Variants in EXOC6B observed in about 807,000 individuals in gnomAD.
EXOC6B encodes the protein exocyst complex component 6B.
In EXOC6B, 54 loss-of-function variants were observed where a neutral mutation model predicts 113.5. The ratio of observed to expected loss-of-function variants is 0.48; its 90% CI spans 0.38 to 0.60. The LOEUF is 0.60. EXOC6B is among the 20% of genes least tolerant of loss of function. The probability of loss-of-function intolerance (pLI) is 0.00; values close to 1 mark genes in which losing one functional copy is unlikely to be tolerated. For missense variants in EXOC6B, 797 were observed against 977.5 expected, an observed-to-expected ratio of 0.82 and a Z score of 2.46; for synonymous variants, 357 against 339.0, an observed-to-expected ratio of 1.05 and a Z score of -0.58.
chr2:72,365,843 C>T (rs1003977443), intron 19 of EXOC6B, among the ~76,000 whole-genome samples: 26 of 152,210 alleles, frequency 1.7e-4, no homozygotes, highest in South Asian at 1.2e-3. Context: ...CTATCCAAAG[C>T]ATCATGCAGA....
chr2:72,222,608 T>G (rs1364284607), intron 20 of EXOC6B, among the ~76,000 whole-genome samples: 1 of 152,154 alleles, frequency 6.6e-6, no homozygotes, highest in Non-Finnish European at 1.5e-5. Flanking sequence ...ATACATACAG[T>G]GTCTCATAAT....
intron 20 of EXOC6B, among the ~76,000 whole-genome samples, chr2:72,286,102 A>G (rs2109962): frequency 1.1e-4 from 17 of 152,328 alleles, no homozygotes; most frequent in African/African-American, 4.1e-4. Context: ...TTACAAAACT[A>G]AACATACTCT....
intron 7 of EXOC6B, among the ~76,000 whole-genome samples, chr2:72,568,526 AACATAC>A (rs1232063213): frequency 3.3e-5 from 5 of 151,926 alleles, no homozygotes; most frequent in Non-Finnish European, 1.5e-5. Context: ...AGAGAAAAGA[AACATAC>A]ACATACACAC....
chr2:72,507,208 T>C (rs1214231970), intron 11 of EXOC6B, among the ~76,000 whole-genome samples: 3 of 152,102 alleles, frequency 2.0e-5, no homozygotes, highest in Non-Finnish European at 4.4e-5. Flanking sequence ...CAGAGTGTTT[T>C]TGAGATTTGA....
At chr2:72,406,120 T>C (rs566639693) in intron 18 of EXOC6B, among the ~76,000 whole-genome samples, 142 of 152,218 alleles carry the variant, frequency 9.3e-4, no homozygotes, top group African/African-American at 3.3e-3. Context: ...CATTACAGAA[T>C]GGTAAAGGGA....
intron 6 of EXOC6B, among the ~76,000 whole-genome samples, chr2:72,682,352 A>AG (rs1309255273): frequency 6.6e-6 from 1 of 152,210 alleles, no homozygotes; most frequent in Non-Finnish European, 1.5e-5. Context: ...GAGGATCACA[A>AG]TTTAAACCAG....
chr2:72,507,942 A>G, intron 11 of EXOC6B, among the ~76,000 whole-genome samples: 1 of 151,664 alleles, frequency 6.6e-6, no homozygotes, highest in Non-Finnish European at 1.5e-5. Flanking sequence ...AACACAAAAA[A>G]ACATTGCTTT....
At chr2:72,583,104 T>C (rs931625637) in intron 6 of EXOC6B, among the ~76,000 whole-genome samples, 2 of 151,998 alleles carry the variant, frequency 1.3e-5, no homozygotes, top group Non-Finnish European at 2.9e-5. Flanking sequence ...AAGAAAGAAT[T>C]TCAGACCTTA....
At chr2:72,352,063 G>A (rs1689680625) in intron 19 of EXOC6B, among the ~76,000 whole-genome samples, 3 of 151,900 alleles carry the variant, frequency 2.0e-5, no homozygotes, top group Middle Eastern at 3.4e-3. Context: ...ACACTTGATG[G>A]GTAACACCTA....
chr2:72,697,012 T>C (rs1204582966), intron 6 of EXOC6B, among the ~76,000 whole-genome samples: 2 of 152,118 alleles, frequency 1.3e-5, no homozygotes, highest in African/African-American at 2.4e-5. Context: ...GGAATTTAAA[T>C]GTATTATTAA....
chr2:72,332,434 G>T (rs1688466161), intron 20 of EXOC6B, among the ~76,000 whole-genome samples: 1 of 152,044 alleles, frequency 6.6e-6, no homozygotes, highest in South Asian at 2.1e-4. Flanking sequence ...ATGTGAAAAA[G>T]ACTCAAATAC....
At chr2:72,738,205 C>A (rs1265284223) in intron 2 of EXOC6B, among the ~76,000 whole-genome samples, 2 of 152,080 alleles carry the variant, frequency 1.3e-5, no homozygotes, top group Non-Finnish European at 2.9e-5. Context: ...TCAATTTACA[C>A]TCTCATGTTC....
chr2:72,217,242 T>A (rs1392053131), intron 20 of EXOC6B, among the ~76,000 whole-genome samples: 1 of 152,074 alleles, frequency 6.6e-6, no homozygotes, highest in East Asian at 1.9e-4. Context: ...AGTTGGAGGT[T>A]AAAAAACATC....
chr2:72,340,524 T>C (rs1422902456), intron 19 of EXOC6B, among the ~76,000 whole-genome samples: 1 of 152,164 alleles, frequency 6.6e-6, no homozygotes, highest in African/African-American at 2.4e-5. Context: ...AAGAGGGTCC[T>C]AGATAACATC....
At chr2:72,318,375 A>G (rs1478855769) in intron 20 of EXOC6B, among the ~76,000 whole-genome samples, 1 of 151,838 alleles carries the variant, frequency 6.6e-6, no homozygotes, top group South Asian at 2.1e-4. Flanking sequence ...ACTTAATTAC[A>G]TGCTGTATTT....
chr2:72,402,014 G>T (rs1025446231), intron 18 of EXOC6B, among the ~76,000 whole-genome samples: 1 of 151,522 alleles, frequency 6.6e-6, no homozygotes, highest in African/African-American at 2.4e-5. Context: ...ACAAAAAAAT[G>T]GCCTCATAGA....
At chr2:72,722,131 A>C (rs1323938012) in intron 5 of EXOC6B, 1 of 152,120 alleles carries the variant, frequency 6.6e-6, no homozygotes. Context: ...ACACACACAC[A>C]CAAAAGTAGA....
intron 20 of EXOC6B, among the ~76,000 whole-genome samples, chr2:72,206,747 G>T (rs999277877): frequency 4.6e-5 from 7 of 152,128 alleles, no homozygotes; most frequent in Non-Finnish European, 8.8e-5. Context: ...TTATAATAAA[G>T]AGAGTTGTTC....
chr2:72,196,530 C>A (rs1679178207), intron 20 of EXOC6B, among the ~76,000 whole-genome samples: 2 of 152,168 alleles, frequency 1.3e-5, no homozygotes, highest in African/African-American at 4.8e-5. Flanking sequence ...AGTAAAATTG[C>A]AACTCAGAAT....
Sources: allele counts gnomAD v4.1 joint callset (sites outside exome capture counted in the v4.1 genomes callset), GRCh38; gene constraint gnomAD v4.1.1; transcripts MANE v1.5; gene names NCBI Gene and HGNC (gene_info 2026-07-23, HGNC 2026-07-21).